FAM83B: variants seen among roughly 807,000 people sequenced by gnomAD.
FAM83B encodes the protein protein FAM83B.
Under a neutral mutation model 38.8 loss-of-function variants are expected in FAM83B, and 26 were observed. The observed-to-expected ratio is 0.67, with a 90% CI of 0.49 to 0.93. The LOEUF (loss-of-function observed/expected upper bound fraction) is 0.93, where lower values mean the gene tolerates loss of function less well. Among genes scored for constraint, FAM83B ranks in the 40% least tolerant of loss-of-function variants. The pLI, the probability that FAM83B is intolerant of heterozygous loss-of-function variation, is 0.00. For synonymous variants in FAM83B, 419 were observed against 423.1 expected (o/e 0.99, Z 0.12); for missense variants, 1,237 against 1,197.3 (o/e 1.03, Z -0.49).
At chr6:54,930,046 A>T (rs1338829440) in intron 4 of FAM83B, among the ~76,000 whole-genome samples, 1 of 151,916 alleles carries the variant, frequency 6.6e-6, no homozygotes, top group Non-Finnish European at 1.5e-5. Context: ...CCAATTTCAT[A>T]TATTATCTTG....
chr6:54,888,216 CTT>C lies in FAM83B; in HGVS notation c.444+17527_444+17528del, dbSNP rs1167904197. 1.7e-4 allele frequency among the ~76,000 whole-genome samples: 25 copies of C among 148,426 alleles called. No homozygotes were observed. The East Asian group carries it at 3.2e-3, about 19-fold the overall frequency. On this transcript the variant is annotated intron_variant, in intron 2 of 4. Transcript: ENST00000306858. Reference sequence around the variant, plus strand: ...ACACTTTAATTCTACTAATGCCTCTCTTGCATCTTGGTCATTGTCATGAATTC... The same window carrying C: ...ACACTTTAATTCTACTAATGCCTCTCGCATCTTGGTCATTGTCATGAATTC...
intron 2 of FAM83B, among the ~76,000 whole-genome samples, chr6:54,920,691 C>G (rs1773147171): frequency 6.6e-6 from 1 of 151,808 alleles, no homozygotes; most frequent in Admixed American, 6.6e-5. Context: ...TTTATTTTCA[C>G]TTTTCTTATC....
rs186872621 is a variant in FAM83B at position 54,927,154 on chromosome 6, T to C, written c.610-354T>C. ...GTTCAGCATGTATTGCTTATTAGAA[T>C]CATTTCACGTAGTATTTTCTGTTAC... On this transcript the variant is annotated intron_variant, in intron 3 of 4. Transcript: ENST00000306858. Among the ~76,000 whole-genome samples, 38 of 152,302 alleles carry C rather than the reference T, an allele frequency of 2.5e-4. No individual in the cohort carries two copies. In the East Asian group the frequency reaches 6.7e-3, roughly 27 times the overall value.
At chr6:54,894,248 G>T (rs1383542092) in intron 2 of FAM83B, among the ~76,000 whole-genome samples, 1 of 152,114 alleles carries the variant, frequency 6.6e-6, no homozygotes, top group Non-Finnish European at 1.5e-5. Flanking sequence ...TCTTGCAAGT[G>T]CTCTGTATCT....
chr6:54,896,285 C>T (rs990974407), intron 2 of FAM83B, among the ~76,000 whole-genome samples: 12 of 152,214 alleles, frequency 7.9e-5, no homozygotes, highest in African/African-American at 2.9e-4. Flanking sequence ...TCTTAACATT[C>T]TACCTTTCTG....
intron 2 of FAM83B, among the ~76,000 whole-genome samples, chr6:54,881,583 G>A (rs1352990783): frequency 6.6e-6 from 1 of 151,816 alleles, no homozygotes; most frequent in Non-Finnish European, 1.5e-5. Context: ...AGTCATAGTA[G>A]TCATATTTCA....
chr6:54,873,757 T>C (rs1771922982), intron 2 of FAM83B, among the ~76,000 whole-genome samples: 1 of 151,388 alleles, frequency 6.6e-6, no homozygotes, highest in African/African-American at 2.4e-5. Context: ...TGTAAAACTC[T>C]ACAGAGATAT....
At chr6:54,923,267 A>G (rs1773212711) in intron 2 of FAM83B, among the ~76,000 whole-genome samples, 1 of 152,156 alleles carries the variant, frequency 6.6e-6, no homozygotes, top group African/African-American at 2.4e-5. Flanking sequence ...AGCAGGATCT[A>G]AAATTCATTT....
chr6:54,916,379 AT>A (rs139447036), intron 2 of FAM83B, among the ~76,000 whole-genome samples: 3,539 of 151,622 alleles, frequency 0.023, 61 homozygotes, highest in Middle Eastern at 0.061. Context: ...CTCAGGGAGA[AT>A]TTTTTTTTCT....
chr6:54,890,978 C>A (rs1772388979), intron 2 of FAM83B, among the ~76,000 whole-genome samples: 1 of 151,806 alleles, frequency 6.6e-6, no homozygotes. Flanking sequence ...AAGTTGTGAT[C>A]TTGAGCCTCC....
At chr6:54,880,994 T>A (rs77936778) in intron 2 of FAM83B, among the ~76,000 whole-genome samples, 6,252 of 152,286 alleles carry the variant, frequency 0.041, 148 homozygotes, top group Non-Finnish European at 0.047. Flanking sequence ...AGATCATATG[T>A]TGTATAATAT....
At chr6:54,854,674 CA>C (rs766373774) in intron 1 of FAM83B, among the ~76,000 whole-genome samples, 1 of 151,906 alleles carries the variant, frequency 6.6e-6, no homozygotes, top group South Asian at 2.1e-4. Context: ...ACTGGGAAAC[CA>C]AAAAAAATTT....
At chr6:54,854,778 A>G (rs1483353046) in intron 1 of FAM83B, among the ~76,000 whole-genome samples, 2 of 152,192 alleles carry the variant, frequency 1.3e-5, no homozygotes, top group African/African-American at 2.4e-5. Flanking sequence ...TGAAAGTCAA[A>G]TTTTATATTC....
intron 2 of FAM83B, among the ~76,000 whole-genome samples, chr6:54,878,408 A>C (rs143919154): frequency 6.6e-6 from 1 of 152,170 alleles, no homozygotes; most frequent in African/African-American, 2.4e-5. Flanking sequence ...AAACACAAAT[A>C]TGGTTGAGTA....
At chr6:54,865,565 T>C in intron 1 of FAM83B, among the ~76,000 whole-genome samples, 1 of 152,178 alleles carries the variant, frequency 6.6e-6, no homozygotes, top group East Asian at 1.9e-4. Flanking sequence ...GAGAAACAGC[T>C]TAAGAGAGAG....
At chr6:54,916,883 T>A (rs1773054935) in intron 2 of FAM83B, among the ~76,000 whole-genome samples, 1 of 152,238 alleles carries the variant, frequency 6.6e-6, no homozygotes, top group Admixed American at 6.5e-5. Flanking sequence ...ATCTGGCTAT[T>A]ATTACATCTT....
At chr6:54,876,588 G>C (rs1054285062) in intron 2 of FAM83B, among the ~76,000 whole-genome samples, 2 of 151,684 alleles carry the variant, frequency 1.3e-5, no homozygotes, top group Non-Finnish European at 2.9e-5. Flanking sequence ...CAAATTGCTC[G>C]AATTACAGAC....
intron 2 of FAM83B, among the ~76,000 whole-genome samples, chr6:54,900,682 C>T (rs1196728703): frequency 6.6e-6 from 1 of 152,120 alleles, no homozygotes. Context: ...ATATATGTAA[C>T]ACATATGCAC....
At position 54,940,888 on chromosome 6, in the gene FAM83B, T is replaced by C. The variant is rs748490683; in HGVS notation, c.1917T>C (p.Tyr639=). The change falls in exon 5 of 5, where the codon TAT becomes TAC. Residue 639 remains tyrosine, a synonymous_variant. Transcript: ENST00000306858. ...ATACTGAATCAAATAACTATATATA[T>C]AAAACCTTGGGTGTAAATAAGCAGA... ...NGHTESNNYI[Y]KTLGVNKQTE... 4 of 1,613,796 alleles carry C rather than the reference T, an allele frequency of 2.5e-6. No individual in the cohort carries two copies. In the South Asian group the frequency reaches 4.4e-5, roughly 18 times the overall value.
Sources: allele counts gnomAD v4.1 joint callset (sites outside exome capture counted in the v4.1 genomes callset), GRCh38; gene constraint gnomAD v4.1.1; transcripts MANE v1.5; gene names NCBI Gene and HGNC (gene_info 2026-07-23, HGNC 2026-07-21).